The following LTBP1 variants were observed in gnomAD, a reference collection of about 807,000 sequenced individuals.
The protein encoded by LTBP1 is latent-transforming growth factor beta-binding protein 1.
A neutral mutation model predicts 207.6 loss-of-function variants in LTBP1; 129 were observed. The ratio of observed to expected loss-of-function variants is 0.62; its 90% CI spans 0.54 to 0.72. The LOEUF is 0.72. Ranked by LOEUF, LTBP1 falls within the 30% of genes least tolerant of loss-of-function variation. LTBP1 has a pLI of 0.00. For synonymous variants in LTBP1, 963 were observed against 833.7 expected (o/e 1.16, Z -2.67); for missense variants, 2,281 against 2,217.2 (o/e 1.03, Z -0.58).
chr2:33,363,040 C>T (rs978384783), intron 28 of LTBP1, among the ~76,000 whole-genome samples: 3 of 152,186 alleles, frequency 2.0e-5, no homozygotes, highest in Admixed American at 6.5e-5. Context: ...ATATACATTA[C>T]AGAACACATT....
intron 3 of LTBP1, among the ~76,000 whole-genome samples, chr2:33,086,316 G>C (rs974722684): frequency 6.6e-6 from 1 of 152,204 alleles, no homozygotes; most frequent in African/African-American, 2.4e-5. Flanking sequence ...TAATAGAGTT[G>C]CAAGATGGGA....
chr2:33,154,262 G>A (rs2083772432), intron 5 of LTBP1, among the ~76,000 whole-genome samples: 1 of 151,898 alleles, frequency 6.6e-6, no homozygotes, highest in Non-Finnish European at 1.5e-5. Flanking sequence ...TAGGTTTTTC[G>A]AATATGTAAC....
At chr2:33,092,423 TCAGCCTGG>T (rs952899590) in intron 3 of LTBP1, among the ~76,000 whole-genome samples, 7 of 152,240 alleles carry the variant, frequency 4.6e-5, no homozygotes, top group African/African-American at 1.4e-4. Context: ...CACAAACCTT[TCAGCCTGG>T]GCTTTGAAGC....
chr2:33,093,451 A>G (rs2079215053), intron 3 of LTBP1, among the ~76,000 whole-genome samples: 2 of 152,066 alleles, frequency 1.3e-5, no homozygotes, highest in East Asian at 3.8e-4. Flanking sequence ...GCATTTTGAA[A>G]CATTCTCTTG....
At position 33,354,154 on chromosome 2, in the gene LTBP1, C is replaced by T. The variant is rs184909519; in HGVS notation, c.4001-6443C>T. On this transcript the variant is annotated intron_variant, in intron 26 of 33. Coordinates refer to ENST00000404816, the MANE Select transcript of LTBP1 (RefSeq NM_206943.4). ...CTGGGATTACAGGAGTGAGCCACCG[C>T]GCTCGGCCGTGCATGTACACATTTT... is the stretch of plus-strand genomic sequence containing the variant. Among the ~76,000 whole-genome samples the T allele has an allele frequency of 2.2e-4, 34 of 152,228 alleles. No homozygotes were observed. In the East Asian group the frequency reaches 2.7e-3, roughly 12 times the overall value.
intron 31 of LTBP1, among the ~76,000 whole-genome samples, chr2:33,386,073 TG>T (rs1274537015): frequency 2.0e-5 from 3 of 152,200 alleles, no homozygotes; most frequent in Non-Finnish European, 4.4e-5. Flanking sequence ...TCCCTAGCCT[TG>T]GTCTAGTCAG....
chr2:33,356,019 G>C lies in LTBP1; in HGVS notation c.4001-4578G>C, dbSNP rs140965736. 9.4e-3 allele frequency among the ~76,000 whole-genome samples: 1,428 copies of C among 151,886 alleles called. 9 individuals carry two copies. The highest frequency in any genetic ancestry group is 0.015 in the Non-Finnish European group (990 of 67,940). ...TCCACTTTCTGTTACCGAACACCAG[G>C]GGTTTGGTCTAGGTTCTGCAGCTCA... On this transcript the variant is annotated intron_variant, in intron 26 of 33. Coordinates refer to ENST00000404816, the MANE Select transcript of LTBP1 (RefSeq NM_206943.4).
chr2:32,993,969 A>AGTGTGTGTGTGTGTGT (rs70938383), intron 2 of LTBP1, among the ~76,000 whole-genome samples: 51 of 138,474 alleles, frequency 3.7e-4, no homozygotes, highest in South Asian at 7.1e-4. Context: ...CAGTTAGGGG[A>AGTGTGTGTGTGTGTGT]GTGTGTGTGT....
intron 31 of LTBP1, among the ~76,000 whole-genome samples, chr2:33,382,790 G>A (rs1181095518): frequency 1.3e-5 from 2 of 152,184 alleles, no homozygotes; most frequent in African/African-American, 2.4e-5. Flanking sequence ...TGGATTCCAG[G>A]TGTTTGCAGT....
At chr2:32,973,496 G>T (rs1007939939) in intron 2 of LTBP1, among the ~76,000 whole-genome samples, 1 of 152,084 alleles carries the variant, frequency 6.6e-6, no homozygotes, top group Non-Finnish European at 1.5e-5. Flanking sequence ...CACATAAGAT[G>T]CCATGATATA....
chr2:33,143,204 ACT>A, intron 5 of LTBP1, among the ~76,000 whole-genome samples: 1 of 151,794 alleles, frequency 6.6e-6, no homozygotes, highest in Non-Finnish European at 1.5e-5. Context: ...CTTTTTCAAG[ACT>A]CAGCCAAGTG....
chr2:33,116,121 T>A (rs1012904709), intron 4 of LTBP1, among the ~76,000 whole-genome samples: 2 of 152,242 alleles, frequency 1.3e-5, no homozygotes, highest in Non-Finnish European at 2.9e-5. Context: ...CTGACATGGT[T>A]CCCTAGACGA....
At chr2:33,067,539 T>A (rs1362294170) in intron 3 of LTBP1, among the ~76,000 whole-genome samples, 1 of 152,214 alleles carries the variant, frequency 6.6e-6, no homozygotes, top group Non-Finnish European at 1.5e-5. Context: ...CAGCTTTGAA[T>A]CAAACATATC....
intron 3 of LTBP1, among the ~76,000 whole-genome samples, chr2:33,050,270 G>A (rs922234051): frequency 2.0e-5 from 3 of 151,596 alleles, no homozygotes; most frequent in Admixed American, 6.6e-5. Context: ...AGGGGTTGAG[G>A]AATGTTCTGT....
intron 15 of LTBP1, among the ~76,000 whole-genome samples, chr2:33,272,811 A>G (rs2093349626): frequency 6.6e-6 from 1 of 152,202 alleles, no homozygotes; most frequent in Non-Finnish European, 1.5e-5. Context: ...CATTGGAAAC[A>G]GAAAATCTTA....
chr2:33,100,440 C>G (rs1319025044), intron 3 of LTBP1, among the ~76,000 whole-genome samples: 3 of 151,654 alleles, frequency 2.0e-5, no homozygotes, highest in Admixed American at 6.6e-5. Context: ...GGCAAGAAAC[C>G]CAGCTTCTTT....
At chr2:33,189,649 T>G (rs1030868142) in intron 7 of LTBP1, among the ~76,000 whole-genome samples, 3 of 152,242 alleles carry the variant, frequency 2.0e-5, no homozygotes, top group African/African-American at 7.2e-5. Context: ...GTAGTTTTGT[T>G]CATGAGTTTT....
intron 25 of LTBP1, among the ~76,000 whole-genome samples, chr2:33,346,193 T>C (rs75678433): frequency 1.6e-3 from 245 of 152,382 alleles, no homozygotes; most frequent in African/African-American, 5.6e-3. Context: ...ATGATTAATG[T>C]AGCCTGATGA....
intron 2 of LTBP1, among the ~76,000 whole-genome samples, chr2:32,973,567 G>A (rs545240312): frequency 6.6e-6 from 1 of 152,154 alleles, no homozygotes; most frequent in East Asian, 1.9e-4. Context: ...TTCCCTACAA[G>A]GACCCCCTTA....
Sources: gnomAD v4.1 joint callset for allele counts (sites outside exome capture counted in the v4.1 genomes callset) on GRCh38, gnomAD v4.1.1 for gene constraint, MANE v1.5 for transcripts, NCBI Gene and HGNC (gene_info 2026-07-23, HGNC 2026-07-21) for gene names.